The following GANAB variants were observed in gnomAD, a reference collection of about 807,000 sequenced individuals.
GANAB encodes glucosidase II alpha subunit.
Under a neutral mutation model 129.9 loss-of-function variants are expected in GANAB, and 35 were observed. The observed-to-expected ratio is 0.27, with a 90% CI of 0.21 to 0.36. The LOEUF is 0.36. GANAB is among the 10% of genes least tolerant of loss of function. The pLI, the probability that GANAB is intolerant of heterozygous loss-of-function variation, is 1.00. For synonymous variants in GANAB, 482 were observed against 451.8 expected, an observed-to-expected ratio of 1.07 and a Z score of -0.85; for missense variants, 939 against 1,221.0, an observed-to-expected ratio of 0.77 and a Z score of 3.44.
intron 5 of GANAB, 168 bp downstream of exon 5, chr11:62,634,653 G>A (rs1051239558): frequency 1.0e-4 from 65 of 636,844 alleles, no homozygotes; most frequent in Non-Finnish European, 1.6e-4. Flanking sequence ...ACAGGAAATG[G>A]AAAAAACCGC....
At chr11:62,634,175 A>C in intron 5 of GANAB, 2 of 660,358 alleles carry the variant, frequency 3.0e-6, no homozygotes, top group Non-Finnish European at 5.5e-6. Flanking sequence ...AGGTAACAGG[A>C]CCAGACATCA....
rs1361447570 is a variant in GANAB, at chr11:62,625,359, T to C, written c.*456A>G. 1 of 447,272 alleles carries C rather than the reference T, an allele frequency of 2.2e-6. No individual in the cohort carries two copies. The highest frequency in any genetic ancestry group is 2.5e-5 in the Admixed American group (1 of 40,584). The allele number at this position is 447,272 out of a possible 1,614,324, so 27.7% of individuals were successfully genotyped here. ...GGGGAGTAAAGCCTGGAGGAAGAAATGAAAGGTGGGAGAGCAATCTGGTGG... is the reference window on the plus strand; with the variant it reads ...GGGGAGTAAAGCCTGGAGGAAGAAACGAAAGGTGGGAGAGCAATCTGGTGG... On this transcript the variant is annotated 3_prime_UTR_variant, in exon 24 of 24. Transcript: ENST00000356638.
chr11:62,627,239 G>T, intron 18 of GANAB, 50 bp downstream of exon 18: 1 of 1,406,948 alleles, frequency 7.1e-7, no homozygotes, highest in Non-Finnish European at 1.0e-6. Context: ...GGCATCCGCA[G>T]TGCTGCTTGG....
At chr11:62,629,479 A>G in intron 15 of GANAB, 109 bp downstream of exon 15, 1 of 835,506 alleles carries the variant, frequency 1.2e-6, no homozygotes. Flanking sequence ...CTGAGAGGAA[A>G]CAGATGCAGT....
chr11:62,642,164 A>C (rs1257063178), intron 1 of GANAB, among the ~76,000 whole-genome samples: 1 of 152,088 alleles, frequency 6.6e-6, no homozygotes, highest in Non-Finnish European at 1.5e-5. Context: ...TGAGCAGATC[A>C]TGCCATTGCA....
At chr11:62,630,878 C>A (rs548519869) in intron 10 of GANAB, 42 bp from the exon 11 acceptor site, 1 of 1,546,728 alleles carries the variant, frequency 6.5e-7, no homozygotes, top group South Asian at 1.1e-5. Context: ...GAGGATCAGG[C>A]CCAACACCCA....
chr11:62,628,258 C>T (rs540024931), intron 17 of GANAB, among the ~76,000 whole-genome samples: 1,884 of 80,130 alleles, frequency 0.024, 40 homozygotes, highest in African/African-American at 0.075. Context: ...CCTCTGTCAC[C>T]CAGGCTAGAA....
rs760793896 is a variant in GANAB, at chr11:62,631,157, G to A, written c.1023C>T (p.Tyr341=). 5.0e-6 allele frequency: 8 copies of A among 1,596,104 alleles called. No homozygotes were observed. In the Admixed American group the frequency reaches 8.4e-5, roughly 17 times the overall value. Residue 341 remains tyrosine, a synonymous_variant, in exon 10 of 24, where the codon TAC becomes TAT. Transcript: ENST00000356638. The part of the protein sequence containing the change: ...GKTLFGKMMD[Y]LQGSGETPQT... ...GTGGGGTCTCCCCAGAGCCCTGCAG[G>A]TAGTCCATCATCTTCCCAAACAGGG...
rs748490428 is a variant in GANAB at position 62,629,621 on chromosome 11, C to T, written c.1801G>A (p.Ala601Thr). 1.1e-5 allele frequency: 17 copies of T among 1,612,538 alleles called. No individual in the cohort carries two copies. Among genetic ancestry groups the T allele is most frequent in the Non-Finnish European group, 1.3e-5 (15 of 1,179,466 alleles). The stretch of plus-strand genomic sequence containing the variant: ...TGGGAGCCAGCGAAGAAGGCCCTGG[C>T]CAGGACAAAGGGGCGTTCCATGCCC... ...SGGMERPFVL[A>T]RAFFAGSQRF... is the part of the protein sequence containing the mutation. The change falls in exon 15 of 24, where the codon GCC (alanine) becomes ACC (threonine). Residue 601 changes from alanine (A) to threonine (T), a missense_variant. This residue lies in a region of GANAB where 147 missense variants were observed against 282.4 expected (regional missense o/e 0.52). Transcript: ENST00000356638.
chr11:62,633,204 T>C lies in GANAB; in HGVS notation c.698A>G (p.His233Arg), dbSNP rs750207739. ...PGAWEETFKT[H>R]SDSKPYGPMS... ...CTCACCATACGGCTTGCTGTCAGAG[T>C]GAGTTTTGAATGTCTCCTCCCAGGC... is the stretch of plus-strand genomic sequence containing the variant. Residue 233 changes from histidine (H) to arginine (R), a missense_variant, in exon 7 of 24, where the codon CAC becomes CGC. By Grantham distance (29) the His-to-Arg change is conservative. Coordinates refer to ENST00000356638, the MANE Select transcript of GANAB (RefSeq NM_198334.3). 2 of 1,612,006 alleles carry C rather than the reference T, an allele frequency of 1.2e-6. No individual in the cohort carries two copies. Among genetic ancestry groups the C allele is most frequent in the Non-Finnish European group, 1.7e-6 (2 of 1,178,284 alleles).
chr11:62,646,209 C>T (rs1386279612), intron 1 of GANAB, among the ~76,000 whole-genome samples: 1 of 152,226 alleles, frequency 6.6e-6, no homozygotes, highest in Non-Finnish European at 1.5e-5. Flanking sequence ...CAGGCCGCAT[C>T]TTTTCCCCCG....
intron 5 of GANAB, 103 bp downstream of exon 5, chr11:62,634,718 C>A: frequency 1.0e-6 from 1 of 964,846 alleles, no homozygotes; most frequent in Non-Finnish European, 1.6e-6. Flanking sequence ...GCCCCCAGGC[C>A]CTACCTGGCT....
At position 62,630,271 on chromosome 11, in the gene GANAB, C is replaced by G; in HGVS notation, c.1519G>C (p.Ala507Pro). Residue 507 changes from alanine to proline, a missense_variant, in exon 13 of 24, where the codon GCT (alanine) becomes CCT (proline). Ala to Pro is a conservative substitution (Grantham distance 27, BLOSUM62 -1). Around this residue, in one of 5 missense-constraint regions of GANAB, gnomAD observed 220 missense variants for 295.9 expected, o/e 0.74. Transcript: ENST00000356638. ...DYEGWCWPGS[A>P]GYPDFTNPTM... ...GGATTAGTGAAGTCAGGGTAACCAG[C>G]TGAGCCTGGGAGAAGTTAAGGGTGG... 2.5e-6 allele frequency: 4 copies of G among 1,613,566 alleles called. No homozygotes were observed. The highest frequency in any genetic ancestry group is 3.4e-6 in the Non-Finnish European group (4 of 1,179,686).
intron 1 of GANAB, among the ~76,000 whole-genome samples, chr11:62,645,780 A>G (rs1008054925): frequency 6.6e-6 from 1 of 152,178 alleles, no homozygotes; most frequent in African/African-American, 2.4e-5. Flanking sequence ...GTTTCAGATC[A>G]CAGGCTCCGA....
intron 4 of GANAB, among the ~76,000 whole-genome samples, chr11:62,636,685 C>G (rs1943955031): frequency 6.6e-6 from 1 of 152,004 alleles, no homozygotes; most frequent in African/African-American, 2.4e-5. Flanking sequence ...TATAGTGACG[C>G]ACGCCTGTAG....
chr11:62,639,518 T>C (rs771572459), intron 2 of GANAB, 51 bp from the exon 3 acceptor site: 2 of 1,480,936 alleles, frequency 1.4e-6, no homozygotes, highest in South Asian at 2.3e-5. Context: ...GCAATGTCCC[T>C]AAGTCAGTCT....
chr11:62,637,521 A>G (rs1400523673), intron 4 of GANAB, among the ~76,000 whole-genome samples: 1 of 152,200 alleles, frequency 6.6e-6, no homozygotes, highest in Non-Finnish European at 1.5e-5. Flanking sequence ...TCTCCTAGTT[A>G]TACACCAAAG....
chr11:62,628,342 G>A (rs891001724), intron 17 of GANAB, among the ~76,000 whole-genome samples: 2 of 148,780 alleles, frequency 1.3e-5, no homozygotes, highest in Non-Finnish European at 3.0e-5. Flanking sequence ...TCAGCCTCCC[G>A]AGTAGCTGGG....
At chr11:62,627,246 T>G in intron 18 of GANAB, 43 bp downstream of exon 18, 1 of 1,433,050 alleles carries the variant, frequency 7.0e-7, no homozygotes, top group Non-Finnish European at 9.9e-7. Flanking sequence ...GCAGTGCTGC[T>G]TGGCCCAAAG....
Sources: allele counts gnomAD v4.1 joint callset (sites outside exome capture counted in the v4.1 genomes callset), GRCh38; gene constraint gnomAD v4.1.1; regional missense constraint gnomAD v4.1.1; transcripts MANE v1.5; gene names NCBI Gene and HGNC (gene_info 2026-07-23, HGNC 2026-07-21).